PCDH15: variants seen among roughly 807,000 people sequenced by gnomAD.
The protein encoded by PCDH15 is protocadherin related 15.
PCDH15 carries 129 observed loss-of-function variants against 178.5 expected under a neutral mutation model. That is an observed-to-expected ratio of 0.72 (90% CI 0.63 to 0.84). The LOEUF is 0.84. Among genes scored for constraint, PCDH15 ranks in the 40% least tolerant of loss-of-function variants. The pLI is 0.00. For synonymous variants in PCDH15, 800 were observed against 732.0 expected (o/e 1.09, Z -1.50); for missense variants, 2,230 against 2,099.9 (o/e 1.06, Z -1.21).
intron 8 of PCDH15, among the ~76,000 whole-genome samples, chr10:54,250,274 T>G (rs1020630150): frequency 1.5e-5 from 2 of 137,476 alleles, no homozygotes; most frequent in African/African-American, 2.8e-5. Flanking sequence ...TTACTTTTTT[T>G]TTTTTTTTTT....
chr10:54,576,735 C>T (rs1290686392), intron 2 of PCDH15, among the ~76,000 whole-genome samples: 1 of 152,154 alleles, frequency 6.6e-6, no homozygotes, highest in East Asian at 1.9e-4. Context: ...GTATGGTCCA[C>T]GTCACTGACT....
intron 3 of PCDH15, among the ~76,000 whole-genome samples, chr10:54,808,468 T>C (rs2133725639): frequency 1.3e-5 from 2 of 152,280 alleles, no homozygotes; most frequent in African/African-American, 4.8e-5. Flanking sequence ...AGGTGTTGAG[T>C]AGATGCAGTC....
intron 3 of PCDH15, among the ~76,000 whole-genome samples, chr10:54,388,426 C>T (rs1420613519): frequency 6.6e-6 from 1 of 152,168 alleles, no homozygotes; most frequent in Non-Finnish European, 1.5e-5. Flanking sequence ...ATCTTCACTT[C>T]AAGTTGCCCA....
intron 2 of PCDH15, among the ~76,000 whole-genome samples, chr10:55,155,742 T>C (rs963080222): frequency 2.0e-5 from 3 of 152,098 alleles, no homozygotes; most frequent in Admixed American, 2.0e-4. Flanking sequence ...ATGCCAGAAG[T>C]ACTCATCAAG....
intron 2 of PCDH15, among the ~76,000 whole-genome samples, chr10:54,537,092 A>G (rs772306201): frequency 5.3e-5 from 7 of 133,226 alleles, no homozygotes; most frequent in Non-Finnish European, 9.1e-5. Flanking sequence ...TCCGCCTCCC[A>G]GGTTCACGCC....
chr10:55,121,362 G>T (rs367737513), intron 2 of PCDH15, among the ~76,000 whole-genome samples: 1 of 150,128 alleles, frequency 6.7e-6, no homozygotes, highest in Admixed American at 6.6e-5. Flanking sequence ...CAGAGCTGGG[G>T]GGGGGCAATT....
At chr10:55,549,815 G>A (rs1201315516) in intron 2 of PCDH15, among the ~76,000 whole-genome samples, 1 of 152,080 alleles carries the variant, frequency 6.6e-6, no homozygotes, top group Non-Finnish European at 1.5e-5. Context: ...GGAAACAAAG[G>A]CAACTGTTGT....
intron 3 of PCDH15, among the ~76,000 whole-genome samples, chr10:54,515,688 T>C (rs142235319): frequency 7.0e-4 from 106 of 152,322 alleles, no homozygotes; most frequent in African/African-American, 2.4e-3. Flanking sequence ...CCTCCTTAAG[T>C]GGGTCCCTGA....
rs1183898047 is a variant in PCDH15 at position 53,806,167 on chromosome 10, ACTT to A, written c.*409_*411del. 1 of 172,310 alleles carries A rather than the reference ACTT, an allele frequency of 5.8e-6. No homozygotes were observed. The allele number at this position is 172,310 out of a possible 1,614,324, so 10.7% of individuals were successfully genotyped here. On this transcript the variant is annotated 3_prime_UTR_variant, in exon 38 of 38. Coordinates refer to ENST00000644397, the MANE Select transcript of PCDH15 (RefSeq NM_001384140.1). ...ACTCATTGCCTGTAAATATCCTCTT[ACTT>A]CTTTTTTGCCCTTTTGGCTATGGAA...
intron 6 of PCDH15, among the ~76,000 whole-genome samples, chr10:54,339,499 A>C (rs1406137059): frequency 1.3e-5 from 2 of 152,216 alleles, no homozygotes; most frequent in Non-Finnish European, 2.9e-5. Context: ...TCTACTACCA[A>C]GTTCCAACAG....
intron 1 of PCDH15, among the ~76,000 whole-genome samples, chr10:55,309,548 C>A (rs1843524374): frequency 6.6e-6 from 1 of 151,414 alleles, no homozygotes; most frequent in African/African-American, 2.4e-5. Context: ...TTAAAAGATA[C>A]TTTCTTTGAC....
chr10:54,591,776 T>C (rs1415822326), intron 2 of PCDH15, among the ~76,000 whole-genome samples: 3 of 152,188 alleles, frequency 2.0e-5, no homozygotes, highest in Non-Finnish European at 1.5e-5. Flanking sequence ...TTGAATTATT[T>C]CATAATATTC....
intron 2 of PCDH15, among the ~76,000 whole-genome samples, chr10:55,120,766 C>G (rs549550862): frequency 5.9e-5 from 9 of 152,306 alleles, no homozygotes; most frequent in African/African-American, 2.2e-4. Flanking sequence ...CCAGTTGTGA[C>G]TGAAGTGGGC....
chr10:55,077,421 T>TCCTTTCTTCCTTCCTTC, intron 2 of PCDH15, among the ~76,000 whole-genome samples: 1 of 149,408 alleles, frequency 6.7e-6, no homozygotes, highest in Non-Finnish European at 1.5e-5. Flanking sequence ...CTTCCTTCCT[T>TCCTTTCTTCCTTCCTTC]CCTTCCTTCC....
At chr10:54,204,464 C>T (rs953153282) in intron 10 of PCDH15, among the ~76,000 whole-genome samples, 5 of 151,772 alleles carry the variant, frequency 3.3e-5, no homozygotes, top group Non-Finnish European at 5.9e-5. Context: ...GTGTAGGAGG[C>T]GTATGGGATG....
chr10:54,038,499 AGCT>A (rs1315669505), intron 18 of PCDH15, among the ~76,000 whole-genome samples: 3 of 151,954 alleles, frequency 2.0e-5, no homozygotes, highest in African/African-American at 7.2e-5. Context: ...CCAAGGAAGG[AGCT>A]GCAGAATTGC....
chr10:54,600,366 G>C (rs895443021), intron 2 of PCDH15: 16 of 541,644 alleles, frequency 3.0e-5, no homozygotes, highest in African/African-American at 2.5e-4. Flanking sequence ...GAAAAGAGAA[G>C]GGAGAGCAGG....
intron 2 of PCDH15, among the ~76,000 whole-genome samples, chr10:55,063,393 AAT>A (rs1295894498): frequency 6.6e-6 from 1 of 152,096 alleles, no homozygotes; most frequent in African/African-American, 2.4e-5. Flanking sequence ...ATTCTGAAAC[AAT>A]ATATCTGTCA....
intron 2 of PCDH15, among the ~76,000 whole-genome samples, chr10:54,618,278 G>T (rs1245451784): frequency 6.6e-6 from 1 of 152,080 alleles, no homozygotes; most frequent in Non-Finnish European, 1.5e-5. Flanking sequence ...CTTTCCTAAA[G>T]TGATACTTAG....
Sources: allele counts gnomAD v4.1 joint callset (sites outside exome capture counted in the v4.1 genomes callset), GRCh38; gene constraint gnomAD v4.1.1; transcripts MANE v1.5; gene names NCBI Gene and HGNC (gene_info 2026-07-23, HGNC 2026-07-21).